GRIN2A: variants seen among roughly 807,000 people sequenced by gnomAD.
The protein encoded by GRIN2A is glutamate receptor ionotropic, NMDA 2A.
A neutral mutation model predicts 113.4 loss-of-function variants in GRIN2A; 22 were observed. The observed-to-expected ratio is 0.19, with a 90% CI of 0.14 to 0.28. The LOEUF (loss-of-function observed/expected upper bound fraction) is 0.28. Ranked by LOEUF, GRIN2A falls within the 10% of genes least tolerant of loss-of-function variation. The pLI, the probability that GRIN2A is intolerant of heterozygous loss-of-function variation, is 1.00. For synonymous variants in GRIN2A, 827 were observed against 738.4 expected (o/e 1.12, Z -1.94); for missense variants, 1,502 against 1,887.0 (o/e 0.80, Z 3.78).
chr16:10,112,557 C>T (rs950638652), intron 2 of GRIN2A: 8 of 780,490 alleles, frequency 1.0e-5, no homozygotes, highest in South Asian at 4.0e-5. Flanking sequence ...GCCACCACCA[C>T]GGAGGCCCAG....
At chr16:9,765,757 T>G (rs1008053639) in intron 12 of GRIN2A, among the ~76,000 whole-genome samples, 1 of 152,190 alleles carries the variant, frequency 6.6e-6, no homozygotes, top group African/African-American at 2.4e-5. Flanking sequence ...TTTGTTTGTG[T>G]GTGAGTCTAT....
intron 10 of GRIN2A, among the ~76,000 whole-genome samples, chr16:9,803,325 T>C (rs868081615): frequency 6.6e-6 from 1 of 152,178 alleles, no homozygotes. Context: ...GCGAATCTAT[T>C]GAACCCGGGA....
chr16:9,827,009 C>A (rs576812112), intron 9 of GRIN2A, among the ~76,000 whole-genome samples: 57 of 152,354 alleles, frequency 3.7e-4, no homozygotes, highest in African/African-American at 1.3e-3. Flanking sequence ...CCTCCAATCA[C>A]TTCTAGGAAT....
chr16:10,098,750 T>C (rs1737628300), intron 2 of GRIN2A, among the ~76,000 whole-genome samples: 1 of 152,162 alleles, frequency 6.6e-6, no homozygotes, highest in South Asian at 2.1e-4. Context: ...AAGTGAGAGC[T>C]AAGCTATGAG....
intron 2 of GRIN2A, among the ~76,000 whole-genome samples, chr16:10,169,455 T>A (rs991699685): frequency 6.6e-6 from 1 of 152,184 alleles, no homozygotes; most frequent in Admixed American, 6.5e-5. Context: ...GTGACCCAGT[T>A]CTGGCCACTG....
intron 4 of GRIN2A, among the ~76,000 whole-genome samples, chr16:9,855,814 G>T (rs934946359): frequency 6.6e-6 from 1 of 152,182 alleles, no homozygotes; most frequent in Non-Finnish European, 1.5e-5. Context: ...GTGGCAGGAT[G>T]GTTCTGAGAA....
intron 3 of GRIN2A, among the ~76,000 whole-genome samples, chr16:9,925,573 C>T (rs1174948643): frequency 6.6e-6 from 1 of 152,124 alleles, no homozygotes; most frequent in Non-Finnish European, 1.5e-5. Flanking sequence ...ACTTGAATCC[C>T]CTATCCTTAA....
chr16:9,932,907 G>A (rs1036489307), intron 3 of GRIN2A, among the ~76,000 whole-genome samples: 53 of 152,258 alleles, frequency 3.5e-4, no homozygotes, highest in African/African-American at 1.2e-3. Context: ...GCTCTTAACC[G>A]TGATGCCACT....
chr16:10,179,465 T>C (rs1446864462), intron 2 of GRIN2A: 1 of 167,846 alleles, frequency 6.0e-6, no homozygotes, highest in African/African-American at 2.4e-5. Flanking sequence ...AAGCATGACA[T>C]TTTTTCTGCC....
intron 4 of GRIN2A, among the ~76,000 whole-genome samples, chr16:9,872,013 T>A (rs1204349200): frequency 3.9e-5 from 6 of 152,178 alleles, no homozygotes; most frequent in African/African-American, 1.2e-4. Context: ...TTCTCATTTA[T>A]AAAATAGGGG....
At position 10,166,167 on chromosome 16, in the gene GRIN2A, T is replaced by C. The variant is rs187288115; in HGVS notation, c.414+13831A>G. On this transcript the variant is annotated intron_variant, in intron 2 of 12. Transcript: ENST00000330684. ...AGGACAGCAGACTAGCAAGACGATA[T>C]GGATTTCAAATGCCACTCACTCTTC... is the stretch of plus-strand genomic sequence containing the variant. 5.3e-5 allele frequency among the ~76,000 whole-genome samples: 8 copies of C among 152,346 alleles called. No homozygotes were observed. The East Asian group carries it at 1.4e-3, about 26-fold the overall frequency.
At chr16:10,023,411 G>A (rs1226634388) in intron 2 of GRIN2A, among the ~76,000 whole-genome samples, 1 of 152,146 alleles carries the variant, frequency 6.6e-6, no homozygotes, top group Non-Finnish European at 1.5e-5. Flanking sequence ...CCTTCGAAGT[G>A]GGTATTATAA....
chr16:9,868,904 C>G (rs1312468745), intron 4 of GRIN2A, among the ~76,000 whole-genome samples: 1 of 152,170 alleles, frequency 6.6e-6, no homozygotes, highest in Non-Finnish European at 1.5e-5. Context: ...CTGGCACTCT[C>G]CTATGTGTCC....
chr16:10,120,835 C>A (rs569772741), intron 2 of GRIN2A, among the ~76,000 whole-genome samples: 1 of 152,140 alleles, frequency 6.6e-6, no homozygotes, highest in Non-Finnish European at 1.5e-5. Context: ...ATTCTCTCCC[C>A]ACTCCCCTGC....
chr16:10,110,910 G>C (rs1258255911), intron 2 of GRIN2A, among the ~76,000 whole-genome samples: 1 of 152,322 alleles, frequency 6.6e-6, no homozygotes, highest in East Asian at 1.9e-4. Context: ...AGACGAGTAA[G>C]AAGTACATCT....
intron 2 of GRIN2A, among the ~76,000 whole-genome samples, chr16:10,166,340 T>C (rs949842033): frequency 6.6e-6 from 1 of 152,086 alleles, no homozygotes; most frequent in African/African-American, 2.4e-5. Flanking sequence ...TCAAGACCAC[T>C]CAAGACTGGC....
At chr16:9,867,290 C>T (rs1347110107) in intron 4 of GRIN2A, among the ~76,000 whole-genome samples, 1 of 152,088 alleles carries the variant, frequency 6.6e-6, no homozygotes, top group Non-Finnish European at 1.5e-5. Flanking sequence ...TTCCTTTTTC[C>T]TAATTGCATC....
chr16:10,019,771 G>C (rs2046681802), intron 2 of GRIN2A, among the ~76,000 whole-genome samples: 1 of 152,174 alleles, frequency 6.6e-6, no homozygotes, highest in African/African-American at 2.4e-5. Flanking sequence ...CTGACTTCCT[G>C]GCTGACTTAG....
chr16:9,823,999 G>T (rs1174816617), intron 9 of GRIN2A, among the ~76,000 whole-genome samples: 2 of 152,144 alleles, frequency 1.3e-5, no homozygotes, highest in Non-Finnish European at 2.9e-5. Flanking sequence ...AACCGCCAGG[G>T]TAAGTGTCCA....
Sources: allele counts gnomAD v4.1 joint callset (sites outside exome capture counted in the v4.1 genomes callset), GRCh38; gene constraint gnomAD v4.1.1; transcripts MANE v1.5; gene names NCBI Gene and HGNC (gene_info 2026-07-23, HGNC 2026-07-21).